RNF216: variants seen among roughly 807,000 people sequenced by gnomAD.
RNF216 encodes the protein ring finger protein 216.
RNF216 carries 72 observed loss-of-function variants against 110.8 expected under a neutral mutation model. The ratio of observed to expected loss-of-function variants is 0.65; its 90% CI spans 0.54 to 0.79. The LOEUF (loss-of-function observed/expected upper bound fraction) is 0.79, where lower values mean the gene tolerates loss of function less well. Ranked by LOEUF, RNF216 falls within the 30% of genes least tolerant of loss-of-function variation. The pLI, the probability that RNF216 is intolerant of heterozygous loss-of-function variation, is 0.00. For synonymous variants in RNF216, 495 were observed against 407.5 expected (o/e 1.21, Z -2.59); for missense variants, 1,342 against 1,141.2 (o/e 1.18, Z -2.54).
intron 13 of RNF216, among the ~76,000 whole-genome samples, chr7:5,678,898 G>C (rs1339894666): frequency 6.6e-6 from 1 of 152,176 alleles, no homozygotes; most frequent in East Asian, 1.9e-4. Context: ...TCCTAGAGAG[G>C]AAGTGGGGAG....
intron 1 of RNF216, among the ~76,000 whole-genome samples, chr7:5,765,024 C>G (rs1421318892): frequency 6.7e-6 from 1 of 150,220 alleles, no homozygotes; most frequent in Non-Finnish European, 1.5e-5. Context: ...TAAGCTATGA[C>G]CAACCCACTG....
chr7:5,654,542 T>C (rs916239007), intron 13 of RNF216, among the ~76,000 whole-genome samples: 2 of 150,366 alleles, frequency 1.3e-5, no homozygotes, highest in African/African-American at 2.4e-5. Flanking sequence ...CAAAAATTAG[T>C]TGGGCGTGGT....
intron 1 of RNF216, among the ~76,000 whole-genome samples, chr7:5,770,024 CAAAAAAAAAAAAAAA>C (rs1163710982): frequency 0.016 from 378 of 24,170 alleles, 10 homozygotes; most frequent in African/African-American, 0.067. Context: ...AGACCCATCT[CAAAAAAAAAAAAAAA>C]AAAAAAAAAA....
chr7:5,630,534 A>T (rs1216797328), intron 15 of RNF216, among the ~76,000 whole-genome samples: 1 of 152,070 alleles, frequency 6.6e-6, no homozygotes, highest in South Asian at 2.1e-4. Flanking sequence ...GTGTATCACC[A>T]TGCCCAGCTA....
At chr7:5,662,014 C>G (rs1209847556) in intron 13 of RNF216, among the ~76,000 whole-genome samples, 2 of 152,214 alleles carry the variant, frequency 1.3e-5, no homozygotes, top group African/African-American at 4.8e-5. Flanking sequence ...ATGAGACAAG[C>G]TGAGGTTACA....
chr7:5,752,743 G>T, intron 3 of RNF216, 103 bp downstream of exon 3: 1 of 1,132,262 alleles, frequency 8.8e-7, no homozygotes, highest in South Asian at 1.5e-5. Context: ...TTCTCAGAAC[G>T]AGTACAAGAG....
chr7:5,676,658 G>A (rs1411524270), intron 13 of RNF216, among the ~76,000 whole-genome samples: 4 of 152,246 alleles, frequency 2.6e-5, no homozygotes, highest in Admixed American at 6.5e-5. Flanking sequence ...ACAATTGGGA[G>A]GAGCAGCTTC....
intron 1 of RNF216, among the ~76,000 whole-genome samples, chr7:5,769,416 G>A (rs1014983265): frequency 2.0e-5 from 3 of 148,840 alleles, no homozygotes; most frequent in Non-Finnish European, 4.5e-5. Flanking sequence ...GCGCCTGGCC[G>A]CAAATGCCTT....
At chr7:5,775,344 TGAGG>T (rs1474455942) in intron 1 of RNF216, among the ~76,000 whole-genome samples, 2 of 152,192 alleles carry the variant, frequency 1.3e-5, no homozygotes, top group African/African-American at 4.8e-5. Context: ...CCAGAATGCT[TGAGG>T]CTGTCTTCTA....
At chr7:5,751,874 TA>T (rs1446106514) in intron 3 of RNF216, among the ~76,000 whole-genome samples, 1 of 112,898 alleles carries the variant, frequency 8.9e-6, no homozygotes, top group African/African-American at 3.3e-5. Context: ...ATTTGTAGTT[TA>T]AAAAAAACAG....
At chr7:5,718,852 C>T (rs564839174) in intron 9 of RNF216, among the ~76,000 whole-genome samples, 16 of 152,028 alleles carry the variant, frequency 1.1e-4, no homozygotes, top group African/African-American at 2.9e-4. Flanking sequence ...CCATCCCACC[C>T]GGCCAAACTT....
chr7:5,659,600 C>A (rs1788972005), intron 13 of RNF216, among the ~76,000 whole-genome samples: 1 of 152,230 alleles, frequency 6.6e-6, no homozygotes, highest in Non-Finnish European at 1.5e-5. Flanking sequence ...TCAAAAGATT[C>A]TTCTGGCTGC....
At chr7:5,642,233 G>A (rs1440791292) in intron 14 of RNF216, among the ~76,000 whole-genome samples, 1 of 147,502 alleles carries the variant, frequency 6.8e-6, no homozygotes, top group Non-Finnish European at 1.5e-5. Context: ...TTTTTTTTGA[G>A]ACAGAGTCTT....
chr7:5,663,750 T>C (rs1030120310), intron 13 of RNF216, among the ~76,000 whole-genome samples: 5 of 151,004 alleles, frequency 3.3e-5, no homozygotes, highest in South Asian at 2.1e-4. Context: ...ATACAAAAAT[T>C]AGCCGGGTGT....
At chr7:5,722,369 GTTT>G (rs36102190) in intron 8 of RNF216, among the ~76,000 whole-genome samples, 25 of 143,634 alleles carry the variant, frequency 1.7e-4, no homozygotes, top group Admixed American at 2.8e-4. Flanking sequence ...TCATTCTCAT[GTTT>G]TTTTTTTTGT....
At chr7:5,656,332 T>TA (rs1425660797) in intron 13 of RNF216, among the ~76,000 whole-genome samples, 1 of 152,166 alleles carries the variant, frequency 6.6e-6, no homozygotes, top group African/African-American at 2.4e-5. Context: ...CTTGCATGTT[T>TA]AACATGATAA....
At position 5,752,504 on chromosome 7, in the gene RNF216, T is replaced by C. The variant is rs149024894; in HGVS notation, c.201+342A>G. 5.3e-5 allele frequency among the ~76,000 whole-genome samples: 8 copies of C among 152,272 alleles called. No homozygotes were observed. The East Asian group carries it at 1.5e-3, about 29-fold the overall frequency. ...GTTGATTGTAAAATCCATATAAAAA[T>C]TTAAGTGCAAGAATATCCAGGATGA... On this transcript the variant is annotated intron_variant, in intron 3 of 16. Transcript: ENST00000389902.
Position 5,623,052 on chromosome 7 carries a change from C to G in RNF216, c.2580G>C (p.Ala860=). Residue 860 remains alanine, a synonymous_variant, in exon 17 of 17, where the codon GCG becomes GCC. Coordinates refer to ENST00000389902, the MANE Select transcript of RNF216 (RefSeq NM_207111.4). Reference sequence around the variant, plus strand: ...CGGGAGGCAGGGGGAAGGGTGGGTGCGCGAAGGCATAGGGTGGCATCTGTG... The same window carrying G: ...CGGGAGGCAGGGGGAAGGGTGGGTGGGCGAAGGCATAGGGTGGCATCTGTG... ...PQPQMPPYAF[A]HPPFPLPPVR... 6.2e-7 allele frequency: 1 copy of G among 1,613,836 alleles called. No homozygotes were observed. The highest frequency in any genetic ancestry group is 8.5e-7 in the Non-Finnish European group (1 of 1,179,858).
At chr7:5,769,833 T>C (rs547961963) in intron 1 of RNF216, among the ~76,000 whole-genome samples, 12 of 149,408 alleles carry the variant, frequency 8.0e-5, no homozygotes, top group African/African-American at 2.7e-4. Flanking sequence ...GGTCAGGAGT[T>C]TGAGACCAGC....
Sources: gnomAD v4.1 joint callset for allele counts (sites outside exome capture counted in the v4.1 genomes callset) on GRCh38, gnomAD v4.1.1 for gene constraint, MANE v1.5 for transcripts, NCBI Gene and HGNC (gene_info 2026-07-23, HGNC 2026-07-21) for gene names.